Variants in RABGAP1 observed in about 807,000 individuals in gnomAD.
RABGAP1 encodes the protein rab GTPase-activating protein 1.
In RABGAP1, 23 loss-of-function variants were observed where a neutral mutation model predicts 137.6. The ratio of observed to expected loss-of-function variants is 0.17; its 90% CI spans 0.12 to 0.24. The LOEUF is 0.24. RABGAP1 is among the 10% of genes least tolerant of loss of function. The probability of loss-of-function intolerance (pLI) is 1.00; values close to 1 mark genes in which losing one functional copy is unlikely to be tolerated. For synonymous variants in RABGAP1, 451 were observed against 450.7 expected, an observed-to-expected ratio of 1.00 and a Z score of -0.01; for missense variants, 906 against 1,275.8, an observed-to-expected ratio of 0.71 and a Z score of 4.42.
In RABGAP1 at chr9:123,047,919, GTTTTTTTTTTTTTTTTTTTT is replaced by G. The variant is rs59639446; in HGVS notation, c.1795-17412_1795-17393del. ...TATCTAGCCATTTTACAGCTGCTGG[GTTTTTTTTTTTTTTTTTTTT>G]TTTTTTTTTTTTTTTTGAGACGGAG... On this transcript the variant is annotated intron_variant, in intron 13 of 25. Transcript: ENST00000373647. Among the ~76,000 whole-genome samples, 218 of 62,280 alleles carry G rather than the reference GTTTTTTTTTTTTTTTTTTTT, an allele frequency of 3.5e-3. 1 individual carries two copies. The highest frequency in any genetic ancestry group is 7.0e-3 in the Non-Finnish European group (195 of 28,024). The allele number at this position is 62,280 out of a possible 152,430, so 40.9% of individuals were successfully genotyped here. A position where few individuals can be genotyped will look rare whatever the true frequency, so the allele number is the denominator to read the frequency against.
chr9:123,017,794 G>A (rs2031341256), intron 12 of RABGAP1, among the ~76,000 whole-genome samples: 1 of 152,200 alleles, frequency 6.6e-6, no homozygotes, highest in Admixed American at 6.5e-5. Context: ...TATGTGCTCT[G>A]TGTCAACTCT....
chr9:122,994,262 A>G (rs772222686), intron 6 of RABGAP1, among the ~76,000 whole-genome samples: 12 of 152,124 alleles, frequency 7.9e-5, no homozygotes, highest in Non-Finnish European at 1.3e-4. Flanking sequence ...GCTTCCTGTT[A>G]CTGCATCCCT....
At chr9:123,004,542 C>T (rs1233734154) in intron 10 of RABGAP1, among the ~76,000 whole-genome samples, 3 of 152,006 alleles carry the variant, frequency 2.0e-5, no homozygotes, top group Non-Finnish European at 4.4e-5. Context: ...CTCAGCCTCC[C>T]AAAGTGCTGA....
chr9:122,989,498 C>T, intron 5 of RABGAP1, 27 bp downstream of exon 5: 1 of 1,606,502 alleles, frequency 6.2e-7, no homozygotes, highest in Non-Finnish European at 8.5e-7. Context: ...AAACTCTCTG[C>T]AAATGAAACT....
chr9:123,000,447 T>A (rs1332456180), intron 10 of RABGAP1, among the ~76,000 whole-genome samples: 1 of 152,180 alleles, frequency 6.6e-6, no homozygotes, highest in Non-Finnish European at 1.5e-5. Flanking sequence ...CACCACTGAT[T>A]TAAATTGCTA....
intron 13 of RABGAP1, among the ~76,000 whole-genome samples, chr9:123,023,469 C>T (rs1475927286): frequency 5.3e-5 from 8 of 152,186 alleles, no homozygotes; most frequent in African/African-American, 1.9e-4. Flanking sequence ...AGACGTGAGC[C>T]ACCACACCCA....
chr9:123,092,745 G>A (rs2035068041), intron 21 of RABGAP1, among the ~76,000 whole-genome samples: 1 of 152,210 alleles, frequency 6.6e-6, no homozygotes, highest in African/African-American at 2.4e-5. Context: ...AATCCTCAGA[G>A]TAGGCCGTGT....
chr9:122,996,257 T>TC, intron 7 of RABGAP1, 106 bp downstream of exon 7: 1 of 1,441,502 alleles, frequency 6.9e-7, no homozygotes, highest in Non-Finnish European at 9.1e-7. Flanking sequence ...AGAATTTTGT[T>TC]CCCTAGGAAA....
intron 1 of RABGAP1, among the ~76,000 whole-genome samples, chr9:122,955,600 C>T (rs1191386298): frequency 6.6e-6 from 1 of 152,034 alleles, no homozygotes; most frequent in African/African-American, 2.4e-5. Flanking sequence ...TTGGGGTTGC[C>T]ATTTCTTTAT....
At chr9:122,981,938 A>G (rs1836082282) in intron 2 of RABGAP1, among the ~76,000 whole-genome samples, 1 of 152,102 alleles carries the variant, frequency 6.6e-6, no homozygotes, top group Non-Finnish European at 1.5e-5. Context: ...GATCCCAGCT[A>G]CTTGGGAGGT....
chr9:123,035,998 T>C (rs1277082425), intron 13 of RABGAP1, among the ~76,000 whole-genome samples: 1 of 152,222 alleles, frequency 6.6e-6, no homozygotes, highest in African/African-American at 2.4e-5. Context: ...CACTTTCTTG[T>C]CACTTTCTGG....
chr9:122,959,151 C>T (rs1290888445), intron 2 of RABGAP1, among the ~76,000 whole-genome samples: 1 of 151,216 alleles, frequency 6.6e-6, no homozygotes, highest in Non-Finnish European at 1.5e-5. Context: ...GAGGTGAGGC[C>T]CAAATGAAGT....
chr9:123,068,814 T>A (rs960416), intron 14 of RABGAP1, among the ~76,000 whole-genome samples: 2,423 of 152,350 alleles, frequency 0.016, 36 homozygotes, highest in South Asian at 0.066. Context: ...TGATAAAACT[T>A]GGTTGCATAT....
intron 13 of RABGAP1, among the ~76,000 whole-genome samples, chr9:123,030,317 A>G (rs995318826): frequency 2.0e-5 from 3 of 152,210 alleles, no homozygotes; most frequent in African/African-American, 7.2e-5. Flanking sequence ...GCATCATTCT[A>G]TCTTGCTAAA....
At chr9:123,059,737 A>G (rs186307713) in intron 13 of RABGAP1, among the ~76,000 whole-genome samples, 16 of 152,288 alleles carry the variant, frequency 1.1e-4, no homozygotes, top group Non-Finnish European at 1.9e-4. Flanking sequence ...CACAGCAAGC[A>G]CATGCCACCT....
intron 2 of RABGAP1, among the ~76,000 whole-genome samples, chr9:122,973,395 C>T (rs1189962053): frequency 6.6e-6 from 1 of 152,054 alleles, no homozygotes; most frequent in African/African-American, 2.4e-5. Context: ...CACCACCATG[C>T]CCGGCTAATT....
chr9:122,943,372 CT>C (rs1221954893), intron 1 of RABGAP1, among the ~76,000 whole-genome samples: 1 of 152,064 alleles, frequency 6.6e-6, no homozygotes, highest in African/African-American at 2.4e-5. Flanking sequence ...CCCGGCCACA[CT>C]TTCTTTTAAT....
intron 1 of RABGAP1, among the ~76,000 whole-genome samples, chr9:122,949,728 T>C (rs368977828): frequency 6.3e-4 from 93 of 148,664 alleles, no homozygotes; most frequent in African/African-American, 2.3e-3. Flanking sequence ...AAAAAAAGTG[T>C]TGATATTATT....
At chr9:123,077,358 C>G (rs2034547571) in intron 19 of RABGAP1, among the ~76,000 whole-genome samples, 1 of 151,854 alleles carries the variant, frequency 6.6e-6, no homozygotes, top group African/African-American at 2.4e-5. Context: ...CACTATGTTG[C>G]CAAGGCTAGT....
Sources: gnomAD v4.1 joint callset for allele counts (sites outside exome capture counted in the v4.1 genomes callset) on GRCh38, gnomAD v4.1.1 for gene constraint, MANE v1.5 for transcripts, NCBI Gene and HGNC (gene_info 2026-07-23, HGNC 2026-07-21) for gene names.